Variants in ATP13A5 observed in about 807,000 individuals in gnomAD.
ATP13A5 encodes probable cation-transporting ATPase 13A5.
Under a neutral mutation model 150.2 loss-of-function variants are expected in ATP13A5, and 149 were observed. That is an observed-to-expected ratio of 0.99 (90% CI 0.87 to 1.14). ATP13A5 has a LOEUF of 1.14. Among genes scored for constraint, ATP13A5 ranks in the 50% most tolerant of loss-of-function variants. The pLI is 0.00. For synonymous variants in ATP13A5, 497 were observed against 522.2 expected (o/e 0.95, Z 0.66); for missense variants, 1,383 against 1,449.3 (o/e 0.95, Z 0.74).
At chr3:193,298,898 G>T (rs1718280039) in intron 25 of ATP13A5, among the ~76,000 whole-genome samples, 2 of 152,060 alleles carry the variant, frequency 1.3e-5, no homozygotes, top group Admixed American at 1.3e-4. Context: ...AAAGAACTTG[G>T]ACTACGTTGA....
intron 1 of ATP13A5, among the ~76,000 whole-genome samples, chr3:193,370,610 C>A (rs1050273459): frequency 1.1e-4 from 17 of 152,162 alleles, no homozygotes; most frequent in African/African-American, 4.1e-4. Flanking sequence ...TAATAACAGT[C>A]ACTATTGTCT....
intron 25 of ATP13A5, among the ~76,000 whole-genome samples, chr3:193,290,391 G>A (rs1397579505): frequency 1.3e-5 from 2 of 152,246 alleles, no homozygotes; most frequent in Middle Eastern, 3.4e-3. Flanking sequence ...GGCCTTGCTC[G>A]TGGGATAAGC....
chr3:193,367,646 T>C (rs2108582907), intron 1 of ATP13A5, among the ~76,000 whole-genome samples: 1 of 152,260 alleles, frequency 6.6e-6, no homozygotes, highest in Middle Eastern at 3.4e-3. Context: ...AAATAATGTT[T>C]GTCCTAGAAA....
intron 9 of ATP13A5, among the ~76,000 whole-genome samples, chr3:193,335,521 A>AT (rs1711820437): frequency 6.6e-6 from 1 of 152,134 alleles, no homozygotes; most frequent in East Asian, 1.9e-4. Context: ...TCATTCAGCT[A>AT]TTTTAGGTGC....
At position 193,373,036 on chromosome 3, in the gene ATP13A5, GT is replaced by G. The variant is rs1239349341; in HGVS notation, c.63+5626del. ...CTTTTCAGTTTTAATCCTTTGAGTG[GT>G]TTTTTTGAGGGGAAGTTCTTTATTG... On this transcript the variant is annotated intron_variant, in intron 1 of 29. Coordinates refer to ENST00000342358, the MANE Select transcript of ATP13A5 (RefSeq NM_198505.4). Among the ~76,000 whole-genome samples the G allele has an allele frequency of 2.0e-5, 3 of 152,216 alleles. No individual in the cohort carries two copies. In the East Asian group the frequency reaches 5.8e-4, roughly 29 times the overall value.
At chr3:193,309,702 T>C (rs1718765413) in intron 21 of ATP13A5, among the ~76,000 whole-genome samples, 1 of 152,162 alleles carries the variant, frequency 6.6e-6, no homozygotes, top group South Asian at 2.1e-4. Flanking sequence ...CCTTATGCAA[T>C]GGCCCCTGTC....
chr3:193,322,435 A>C lies in ATP13A5; in HGVS notation c.1758+56T>G, dbSNP rs147292965. On this transcript the variant is annotated intron_variant, in intron 15 of 29. Transcript: ENST00000342358. Reference sequence around the variant, plus strand: ...CTATAAAAATATGTGCAAGTCAGAAATGTTTTACCAGTTTTATGGGGAAAG... The same window carrying C: ...CTATAAAAATATGTGCAAGTCAGAACTGTTTTACCAGTTTTATGGGGAAAG... The C allele has an allele frequency of 3.6e-4, 472 of 1,306,232 alleles. 2 individuals are homozygous for C. In the African/African-American group the frequency reaches 6.0e-3, roughly 17 times the overall value. The allele number at this position is 1,306,232 out of a possible 1,614,324, so 80.9% of individuals were successfully genotyped here.
Position 193,368,392 on chromosome 3 carries a change from TTGTG to T in ATP13A5, c.64-4116_64-4113del, listed in dbSNP as rs1286543236. Among the ~76,000 whole-genome samples the T allele has an allele frequency of 6.1e-4, 90 of 147,348 alleles. 3 individuals carry two copies. In the East Asian group the frequency reaches 0.016, roughly 26 times the overall value. On this transcript the variant is annotated intron_variant, in intron 1 of 29. Transcript: ENST00000342358. The stretch of plus-strand genomic sequence containing the variant: ...AATCCAATTTAAAATCTCTTCAGAC[TTGTG>T]TGTGTGTGTGTGTGTGTGTGTGTGT...
At chr3:193,356,658 G>A (rs999567819) in intron 5 of ATP13A5, among the ~76,000 whole-genome samples, 2 of 152,084 alleles carry the variant, frequency 1.3e-5, no homozygotes, top group African/African-American at 2.4e-5. Flanking sequence ...TATCTTTGAA[G>A]TCTTACTCCC....
intron 6 of ATP13A5, among the ~76,000 whole-genome samples, chr3:193,351,984 T>C (rs1428289292): frequency 1.3e-5 from 2 of 152,208 alleles, no homozygotes; most frequent in Non-Finnish European, 2.9e-5. Flanking sequence ...TCATAGGATA[T>C]ACATGCAGAA....
At chr3:193,289,085 G>C (rs1413419730) in intron 26 of ATP13A5, among the ~76,000 whole-genome samples, 1 of 152,160 alleles carries the variant, frequency 6.6e-6, no homozygotes, top group Non-Finnish European at 1.5e-5. Context: ...TCATTTGCTA[G>C]TTTTCAATCT....
intron 13 of ATP13A5, among the ~76,000 whole-genome samples, chr3:193,325,687 G>A (rs754171999): frequency 2.4e-4 from 37 of 152,298 alleles, no homozygotes; most frequent in Admixed American, 1.6e-3. Flanking sequence ...CATTTTTCAC[G>A]TCTCAGCCCT....
At chr3:193,362,267 T>C in intron 5 of ATP13A5, 114 bp downstream of exon 5, 1 of 936,892 alleles carries the variant, frequency 1.1e-6, no homozygotes, top group Non-Finnish European at 1.7e-6. Context: ...GTAAATGAAC[T>C]TGGACTATAA....
rs1422486423 is a variant in ATP13A5, at chr3:193,294,236, C to CG, written c.2849-4178_2849-4177insC. Among the ~76,000 whole-genome samples the CG allele has an allele frequency of 3.2e-5, 4 of 123,546 alleles. No individual in the cohort carries two copies. In the East Asian group the frequency reaches 1.2e-3, roughly 37 times the overall value. 81.1% of individuals were successfully genotyped at this position (123,546 alleles called of 152,430 possible). The stretch of plus-strand genomic sequence containing the variant: ...ACCTGGAAATAAAGAAAGTGACCTC[C>CG]ATTTTTATCCTTTAGTGTTCTAGTC... On this transcript the variant is annotated intron_variant, in intron 25 of 29. Coordinates refer to ENST00000342358, the MANE Select transcript of ATP13A5 (RefSeq NM_198505.4).
At position 193,362,333 on chromosome 3, in the gene ATP13A5, C is replaced by T. The variant is rs1228207151; in HGVS notation, c.536+48G>A. 5 of 1,513,030 alleles carry T rather than the reference C, an allele frequency of 3.3e-6. No homozygotes were observed. In the East Asian group the frequency reaches 1.1e-4, roughly 34 times the overall value. The allele number at this position is 1,513,030 out of a possible 1,614,324, so 93.7% of individuals were successfully genotyped here. Reference sequence around the variant, plus strand: ...ACTGATGATAACTGATTTGATACTTCATTTTCTGCTGGCAGAGTTTACTCT... The same window carrying T: ...ACTGATGATAACTGATTTGATACTTTATTTTCTGCTGGCAGAGTTTACTCT... On this transcript the variant is annotated intron_variant, in intron 5 of 29. Coordinates refer to ENST00000342358, the MANE Select transcript of ATP13A5 (RefSeq NM_198505.4).
chr3:193,362,904 C>T (rs895401743), intron 3 of ATP13A5, among the ~76,000 whole-genome samples: 1 of 152,104 alleles, frequency 6.6e-6, no homozygotes, highest in Non-Finnish European at 1.5e-5. Flanking sequence ...AATCGATCCT[C>T]CTGCCTCAAC....
rs916786538 is a variant in ATP13A5 at position 193,314,621 on chromosome 3, C to T, written c.2158+351G>A. Among the ~76,000 whole-genome samples the T allele has an allele frequency of 4.6e-5, 7 of 152,106 alleles. No homozygotes were observed. The East Asian group carries it at 1.4e-3, about 29-fold the overall frequency. On this transcript the variant is annotated intron_variant, in intron 18 of 29. Coordinates refer to ENST00000342358, the MANE Select transcript of ATP13A5 (RefSeq NM_198505.4). Reference sequence around the variant, plus strand: ...ATACACCATGCCTGGCCCTACTGCCCTAGAGGACCATCAACCAGAGACTCA... The same window carrying T: ...ATACACCATGCCTGGCCCTACTGCCTTAGAGGACCATCAACCAGAGACTCA...
At position 193,320,141 on chromosome 3, in the gene ATP13A5, G is replaced by T. The variant is rs9827949; in HGVS notation, c.1916-1033C>A. Among the ~76,000 whole-genome samples the T allele has an allele frequency of 3.2e-3, 492 of 152,288 alleles. 2 individuals carry two copies. The highest frequency in any genetic ancestry group is 0.011 in the African/African-American group (462 of 41,562). On this transcript the variant is annotated intron_variant, in intron 16 of 29. Transcript: ENST00000342358. ...AATGGGAGGTATAGTAGCTTAGGTG[G>T]CAAATCAACTAAGTTCTATTCTCCC...
chr3:193,374,761 C>T (rs1256697078), intron 1 of ATP13A5, among the ~76,000 whole-genome samples: 1 of 152,084 alleles, frequency 6.6e-6, no homozygotes, highest in East Asian at 1.9e-4. Flanking sequence ...AATGTGTTCT[C>T]CAAGGTTCTT....
Sources: gnomAD v4.1 joint callset for allele counts (sites outside exome capture counted in the v4.1 genomes callset) on GRCh38, gnomAD v4.1.1 for gene constraint, MANE v1.5 for transcripts, NCBI Gene and HGNC (gene_info 2026-07-23, HGNC 2026-07-21) for gene names.